Variants in RORB observed in about 807,000 individuals in gnomAD.
RORB encodes the protein RAR related orphan receptor B, also known as nuclear receptor ROR-beta.
In RORB, 6 loss-of-function variants were observed where a neutral mutation model predicts 59.1. The ratio of observed to expected loss-of-function variants is 0.10; its 90% confidence interval spans 0.06 to 0.20. RORB has a LOEUF of 0.20. Among genes scored for constraint, RORB ranks in the 10% least tolerant of loss-of-function variants. RORB has a pLI of 1.00. For synonymous variants in RORB, 215 were observed against 204.5 expected, an observed-to-expected ratio of 1.05 and a Z score of -0.44; for missense variants, 320 against 560.5, an observed-to-expected ratio of 0.57 and a Z score of 4.33.
At chr9:74,597,297 C>G (rs1349432243) in intron 1 of RORB, among the ~76,000 whole-genome samples, 1 of 152,210 alleles carries the variant, frequency 6.6e-6, no homozygotes, top group African/African-American at 2.4e-5. Flanking sequence ...TTGAGTTTCT[C>G]CTTTAAGCCA....
Position 74,636,486 on chromosome 9 carries a change from G to A in RORB, c.235+1714G>A, listed in dbSNP as rs139606564. On this transcript the variant is annotated intron_variant, in intron 3 of 9. Transcript: ENST00000376896. The stretch of plus-strand genomic sequence containing the variant: ...TGACATCAGCCCACAAAATTTAGAC[G>A]GTCTGAATCCCGTAACATAAAAGAA... 6.6e-5 allele frequency among the ~76,000 whole-genome samples: 10 copies of A among 152,204 alleles called. No homozygotes were observed. In the East Asian group the frequency reaches 7.7e-4, roughly 12 times the overall value.
At chr9:74,597,026 T>C (rs928082387) in intron 1 of RORB, among the ~76,000 whole-genome samples, 10 of 152,210 alleles carry the variant, frequency 6.6e-5, no homozygotes, top group Non-Finnish European at 1.3e-4. Context: ...ATAAGACTTT[T>C]TTAGACCTAC....
intron 1 of RORB, among the ~76,000 whole-genome samples, chr9:74,626,422 C>T (rs1009251072): frequency 6.6e-6 from 1 of 152,058 alleles, no homozygotes; most frequent in African/African-American, 2.4e-5. Context: ...AACATTTTAA[C>T]TATAGTCTCC....
At chr9:74,619,285 A>G (rs1823366769) in intron 1 of RORB, among the ~76,000 whole-genome samples, 2 of 152,094 alleles carry the variant, frequency 1.3e-5, no homozygotes, top group South Asian at 4.1e-4. Flanking sequence ...AGCTTCCCCC[A>G]GTTCATATTA....
intron 5 of RORB, 49 bp downstream of exon 5, chr9:74,660,787 G>A (rs370044395): frequency 6.3e-7 from 1 of 1,576,454 alleles, no homozygotes; most frequent in African/African-American, 1.4e-5. Flanking sequence ...CCCTATTGCT[G>A]TGTTGCTCAA....
At position 74,642,815 on chromosome 9, in the gene RORB, G is replaced by A. The variant is rs764648928; in HGVS notation, c.637G>A (p.Asp213Asn). 7.0e-6 allele frequency: 11 copies of A among 1,581,288 alleles called. No homozygotes were observed. Among genetic ancestry groups the A allele is most frequent in the African/African-American group, 4.0e-5 (3 of 74,194 alleles). The change falls in exon 4 of 10, where the codon GAC becomes AAC. Residue 213 changes from aspartate (D) to asparagine (N), a missense_variant and splice_region_variant. Asp to Asn is a conservative substitution (Grantham distance 23). Transcript: ENST00000376896. ...ACCAGGGATAACCATGACTGAAATC[G>A]GTAAGTGGAAGTCTCCTCCCAGTGG... Reference protein sequence around the residue: ...LAPGITMTEIDRIAQNIIKSH... With the variant: ...LAPGITMTEINRIAQNIIKSH...
intron 4 of RORB, among the ~76,000 whole-genome samples, chr9:74,647,402 A>T (rs550897805): frequency 6.6e-6 from 1 of 152,350 alleles, no homozygotes; most frequent in Admixed American, 6.5e-5. Context: ...ACAACAAGAC[A>T]ATTGAAACAG....
chr9:74,583,217 G>T (rs1016387868), intron 1 of RORB, among the ~76,000 whole-genome samples: 13 of 151,948 alleles, frequency 8.6e-5, no homozygotes, highest in African/African-American at 3.1e-4. Context: ...ACTTACTATT[G>T]CCTCAGTAGA....
In RORB at chr9:74,685,908, T is replaced by C. The variant is rs1214891788; in HGVS notation, c.*290T>C. On this transcript the variant is annotated 3_prime_UTR_variant, in exon 10 of 10. Coordinates refer to ENST00000376896, the MANE Select transcript of RORB (RefSeq NM_006914.4). The stretch of plus-strand genomic sequence containing the variant: ...GTATGTTTTGGGAGACAACTGTTTA[T>C]AGAATTTTATTGTAGATATATACAA... The C allele has an allele frequency of 2.5e-5, 5 of 202,760 alleles. No individual in the cohort carries two copies. The highest frequency in any genetic ancestry group is 2.1e-4 in the East Asian group (2 of 9,422). 12.6% of individuals were successfully genotyped at this position (202,760 alleles called of 1,614,324 possible). A position where few individuals can be genotyped will look rare whatever the true frequency, so the allele number is the denominator to read the frequency against.
At chr9:74,570,475 C>T (rs919457262) in intron 1 of RORB, among the ~76,000 whole-genome samples, 2 of 152,040 alleles carry the variant, frequency 1.3e-5, no homozygotes, top group African/African-American at 4.8e-5. Context: ...ATTCAGAATA[C>T]ATTTGTGGGA....
intron 8 of RORB, among the ~76,000 whole-genome samples, chr9:74,670,039 G>C (rs1824324020): frequency 6.6e-6 from 1 of 150,646 alleles, no homozygotes. Flanking sequence ...TTCTTTTATG[G>C]CTCTGTCTAA....
chr9:74,661,549 G>A (rs779719621), intron 5 of RORB, among the ~76,000 whole-genome samples: 22 of 151,304 alleles, frequency 1.5e-4, no homozygotes, highest in Non-Finnish European at 2.7e-4. Context: ...AATAAACTGA[G>A]GACTAAAAAA....
chr9:74,643,714 C>T (rs913692462), intron 4 of RORB, among the ~76,000 whole-genome samples: 1 of 152,184 alleles, frequency 6.6e-6, no homozygotes, highest in Non-Finnish European at 1.5e-5. Context: ...GGCTTCACTG[C>T]AATATTTAGT....
chr9:74,504,003 A>C (rs1825836823), intron 1 of RORB, among the ~76,000 whole-genome samples: 1 of 152,034 alleles, frequency 6.6e-6, no homozygotes, highest in African/African-American at 2.4e-5. Flanking sequence ...GTAGATTCTT[A>C]TGAAAGGAAA....
At position 74,640,123 on chromosome 9, in the gene RORB, G is replaced by A. The variant is rs985395849; in HGVS notation, c.236-2291G>A. On this transcript the variant is annotated intron_variant, in intron 3 of 9. Transcript: ENST00000376896. ...ATGGAAAGGGGAGTTTAGTCTGAAT[G>A]AGTCAGATTGTTTGTCTTCACACAG... Among the ~76,000 whole-genome samples the A allele has an allele frequency of 5.3e-5, 8 of 152,316 alleles. No homozygotes were observed. In the South Asian group the frequency reaches 1.2e-3, roughly 24 times the overall value.
At chr9:74,573,097 C>T (rs1263847348) in intron 1 of RORB, among the ~76,000 whole-genome samples, 2 of 152,172 alleles carry the variant, frequency 1.3e-5, no homozygotes, top group East Asian at 3.8e-4. Context: ...AAAAGTTTCA[C>T]ACATACTTCA....
chr9:74,528,135 T>C (rs1484018093), intron 1 of RORB, among the ~76,000 whole-genome samples: 5 of 151,998 alleles, frequency 3.3e-5, no homozygotes, highest in Admixed American at 3.3e-4. Context: ...AGATCATTTT[T>C]TCACTAGGGC....
At chr9:74,685,414 A>G (rs1388732952) in intron 9 of RORB, 49 bp from the exon 10 acceptor site, 1 of 1,490,672 alleles carries the variant, frequency 6.7e-7, no homozygotes, top group South Asian at 1.3e-5. Context: ...CAGACAGAGC[A>G]CTAATGAGCT....
chr9:74,558,449 A>G (rs1587358786), intron 1 of RORB, among the ~76,000 whole-genome samples: 3 of 152,278 alleles, frequency 2.0e-5, no homozygotes, highest in Non-Finnish European at 4.4e-5. Flanking sequence ...TTTTAAGCCT[A>G]TATTAAACAG....
Sources: allele counts gnomAD v4.1 joint callset (sites outside exome capture counted in the v4.1 genomes callset), GRCh38; gene constraint gnomAD v4.1.1; transcripts MANE v1.5; gene names NCBI Gene and HGNC (gene_info 2026-07-23, HGNC 2026-07-21).